CLDN16: variants seen among roughly 807,000 people sequenced by gnomAD.
The protein encoded by CLDN16 is claudin-16.
CLDN16 carries 13 observed loss-of-function variants against 24.6 expected under a neutral mutation model. The ratio of observed to expected loss-of-function variants is 0.53; its 90% confidence interval spans 0.34 to 0.84. The LOEUF is 0.84. Among genes scored for constraint, CLDN16 ranks in the 40% least tolerant of loss-of-function variants. CLDN16 has a pLI of 0.01. For missense variants in CLDN16, 298 were observed against 292.7 expected, an observed-to-expected ratio of 1.02 and a Z score of -0.13; for synonymous variants, 116 against 106.7, an observed-to-expected ratio of 1.09 and a Z score of -0.54.
At chr3:190,306,874 TAGAG>T in the CLDN16 span, 1 of 152,504 alleles carries the variant, frequency 6.6e-6, no homozygotes, top group Non-Finnish European at 1.5e-5. Context: ...AATAGACTGG[TAGAG>T]AGAGGAAGGC....
chr3:190,364,581 C>T (rs6766716), intron 1 of CLDN16, among the ~76,000 whole-genome samples: 50,874 of 151,710 alleles, frequency 0.34, 9,208 homozygotes, highest in Middle Eastern at 0.53. Flanking sequence ...GTATGACTGG[C>T]CTTGCTTTAG....
At chr3:190,322,028 C>T (rs1437260448), upstream of CLDN16, 4 of 1,614,204 alleles carry the variant, frequency 2.5e-6, no homozygotes, top group Non-Finnish European at 3.4e-6. Flanking sequence ...CTGGATCTGC[C>T]CGGTGCTCTG....
intron 1 of CLDN16, among the ~76,000 whole-genome samples, chr3:190,390,558 C>A (rs114017633): frequency 6.7e-6 from 1 of 148,356 alleles, no homozygotes; most frequent in Non-Finnish European, 1.5e-5. Context: ...GAAGAAGAAC[C>A]CTGTAACAAA....
intron 1 of CLDN16, among the ~76,000 whole-genome samples, chr3:190,329,006 G>A (rs1484705811): frequency 6.6e-6 from 1 of 152,122 alleles, no homozygotes; most frequent in Non-Finnish European, 1.5e-5. Flanking sequence ...AGTGCACAAC[G>A]TAAATAGTTT....
At chr3:190,336,313 G>T (rs1717305884) in intron 1 of CLDN16, among the ~76,000 whole-genome samples, 1 of 152,204 alleles carries the variant, frequency 6.6e-6, no homozygotes, top group Admixed American at 6.5e-5. Flanking sequence ...TAATAAGGCA[G>T]ATGTGCTTCA....
At position 190,405,068 on chromosome 3, in the gene CLDN16, T is replaced by C; in HGVS notation, c.382+142T>C. 3 of 810,346 alleles carry C rather than the reference T, an allele frequency of 3.7e-6. No individual in the cohort carries two copies. The South Asian group carries it at 4.3e-5, about 12-fold the overall frequency. 50.2% of individuals were successfully genotyped at this position (810,346 alleles called of 1,614,324 possible). ...AGATTGAAAAACTAAAGGTCACTTC[T>C]ACCAGCCCTGCATACTTTAGCTTTG... On this transcript the variant is annotated intron_variant, in intron 3 of 4. Transcript: ENST00000264734.
At chr3:190,383,318 G>A (rs1292949286), upstream of CLDN16, among the ~76,000 whole-genome samples, 3 of 152,082 alleles carry the variant, frequency 2.0e-5, no homozygotes, top group Non-Finnish European at 4.4e-5. Flanking sequence ...CTCACTTTAA[G>A]CCTAAAGAAC....
the CLDN16 span, chr3:190,312,755 C>T: frequency 1.4e-5 from 16 of 1,125,332 alleles, no homozygotes; most frequent in Non-Finnish European, 2.2e-5. Flanking sequence ...GACTTCAGGT[C>T]TATGTTTGCA....
intron 1 of CLDN16, among the ~76,000 whole-genome samples, chr3:190,353,583 T>C (rs887453875): frequency 3.3e-5 from 5 of 152,152 alleles, no homozygotes; most frequent in African/African-American, 9.7e-5. Context: ...AAGGTTTTCT[T>C]ACATGGCTTT....
intron 1 of CLDN16, among the ~76,000 whole-genome samples, chr3:190,330,963 G>T (rs1717169211): frequency 6.6e-6 from 1 of 152,118 alleles, no homozygotes; most frequent in African/African-American, 2.4e-5. Context: ...CTTATTCTAT[G>T]ACATTTGCAC....
At chr3:190,297,516 A>G in the CLDN16 span, among the ~76,000 whole-genome samples, 1 of 143,250 alleles carries the variant, frequency 7.0e-6, no homozygotes, top group Non-Finnish European at 1.5e-5. Flanking sequence ...ATATATAGAT[A>G]TGTATATATA....
chr3:190,377,504 A>G (rs1233412151), intron 3 of CLDN16, among the ~76,000 whole-genome samples: 2 of 151,982 alleles, frequency 1.3e-5, no homozygotes, highest in Non-Finnish European at 1.5e-5. Flanking sequence ...CTGGTAAAAC[A>G]AAACAAAACA....
chr3:190,395,678 A>C (rs1306615841), intron 1 of CLDN16, among the ~76,000 whole-genome samples: 2 of 152,084 alleles, frequency 1.3e-5, no homozygotes, highest in Admixed American at 1.3e-4. Context: ...TGGATAGTAA[A>C]GTGGTGTGAA....
At chr3:190,310,044 T>C in the CLDN16 span, 1 of 770,226 alleles carries the variant, frequency 1.3e-6, no homozygotes, top group Non-Finnish European at 2.3e-6. Flanking sequence ...ATTTAAATTG[T>C]TTGTAGGTTT....
At chr3:190,350,686 C>A (rs1411962430) in intron 1 of CLDN16, among the ~76,000 whole-genome samples, 1 of 152,146 alleles carries the variant, frequency 6.6e-6, no homozygotes, top group Non-Finnish European at 1.5e-5. Context: ...GCTCAGGCTA[C>A]TGGCATTGAA....
intron 1 of CLDN16, among the ~76,000 whole-genome samples, chr3:190,329,990 A>G (rs1392467344): frequency 6.6e-6 from 1 of 152,108 alleles, no homozygotes; most frequent in African/African-American, 2.4e-5. Flanking sequence ...CAGTTAGCTG[A>G]CTAATTTGGG....
At chr3:190,337,529 C>A (rs79498894) in intron 1 of CLDN16, among the ~76,000 whole-genome samples, 1 of 152,162 alleles carries the variant, frequency 6.6e-6, no homozygotes, top group Non-Finnish European at 1.5e-5. Context: ...GATAAGAATG[C>A]GTTCTCCTCT....
the CLDN16 span, among the ~76,000 whole-genome samples, chr3:190,293,525 C>T: frequency 6.6e-6 from 1 of 152,148 alleles, no homozygotes; most frequent in Admixed American, 6.5e-5. Flanking sequence ...ATGCTGCTCT[C>T]TGGAAATTAG....
At chr3:190,352,871 A>T (rs1298071250) in intron 1 of CLDN16, among the ~76,000 whole-genome samples, 1 of 152,048 alleles carries the variant, frequency 6.6e-6, no homozygotes, top group Admixed American at 6.6e-5. Context: ...GTTTTAAACA[A>T]TTAGGATAGT....
Sources: allele counts gnomAD v4.1 joint callset (sites outside exome capture counted in the v4.1 genomes callset), GRCh38; gene constraint gnomAD v4.1.1; transcripts MANE v1.5; gene names NCBI Gene and HGNC (gene_info 2026-07-23, HGNC 2026-07-21).